The following SIPA1L2 variants were observed in gnomAD, a reference collection of about 807,000 sequenced individuals.
SIPA1L2 encodes the protein signal induced proliferation associated 1 like 2, also known as signal-induced proliferation-associated 1-like protein 2.
In SIPA1L2, 56 loss-of-function variants were observed where a neutral mutation model predicts 163.9. That is an observed-to-expected ratio of 0.34 (90% CI 0.28 to 0.43). The LOEUF (loss-of-function observed/expected upper bound fraction) is 0.43, where lower values mean the gene tolerates loss of function less well. Ranked by LOEUF, SIPA1L2 falls within the 20% of genes least tolerant of loss-of-function variation. SIPA1L2 has a pLI of 1.00. For missense variants in SIPA1L2, 1,974 were observed against 2,193.5 expected (o/e 0.90, Z 2.00); for synonymous variants, 877 against 865.7 (o/e 1.01, Z -0.23).
At chr1:232,589,897 A>G (rs1367280808) in intron 1 of SIPA1L2, among the ~76,000 whole-genome samples, 3 of 152,250 alleles carry the variant, frequency 2.0e-5, no homozygotes, top group Non-Finnish European at 4.4e-5. Flanking sequence ...GCGTTTCAGG[A>G]AAGGAAACAC....
At chr1:232,592,809 G>GAA (rs541158763) in intron 1 of SIPA1L2, among the ~76,000 whole-genome samples, 148 of 145,812 alleles carry the variant, frequency 1.0e-3, no homozygotes, top group Middle Eastern at 3.6e-3. Flanking sequence ...ATGTTCACAG[G>GAA]AAAAAAAAAA....
At chr1:232,464,722 C>T in intron 9 of SIPA1L2, 118 bp downstream of exon 9, 1 of 837,406 alleles carries the variant, frequency 1.2e-6, no homozygotes. Flanking sequence ...GTATCTGTAA[C>T]AAATAGTAAT....
At chr1:232,477,226 T>A (rs1232071135) in intron 7 of SIPA1L2, among the ~76,000 whole-genome samples, 3 of 152,222 alleles carry the variant, frequency 2.0e-5, no homozygotes, top group African/African-American at 7.2e-5. Context: ...ATTCAGAGTC[T>A]TAGTTTTTCA....
intron 5 of SIPA1L2, 149 bp downstream of exon 5, chr1:232,490,725 T>C: frequency 1.2e-6 from 1 of 827,056 alleles, no homozygotes. Flanking sequence ...CAAACTAGTA[T>C]AAAAACATAT....
chr1:232,460,254 C>A (rs945973079), intron 10 of SIPA1L2, among the ~76,000 whole-genome samples: 11 of 152,152 alleles, frequency 7.2e-5, no homozygotes, highest in African/African-American at 2.7e-4. Flanking sequence ...TGCTTTCTAA[C>A]CCCGTTCTTA....
intron 9 of SIPA1L2, 40 bp from the exon 10 acceptor site, chr1:232,461,201 C>CT: frequency 6.3e-7 from 1 of 1,594,988 alleles, no homozygotes; most frequent in South Asian, 1.1e-5. Flanking sequence ...CCTTCCTGCC[C>CT]AAGCTGCCAT....
At position 232,425,804 on chromosome 1, in the gene SIPA1L2, G is replaced by C. The variant is rs150962063; in HGVS notation, c.4415C>G (p.Ser1472Trp). 3.7e-6 allele frequency: 6 copies of C among 1,613,260 alleles called. No homozygotes were observed. The East Asian group carries it at 1.1e-4, about 30-fold the overall frequency. The stretch of plus-strand genomic sequence containing the variant: ...CCTTGGAGACAGGTTCCCATAGAAC[G>C]AAAACTAGGGTTTAAACAAGGTGCG... ...PLVEEGRRKFSFYGNLSPRRS... is the reference protein window; with the variant it reads ...PLVEEGRRKFWFYGNLSPRRS... The change falls in exon 18 of 23, where the codon TCG becomes TGG. Residue 1472 changes from serine to tryptophan, a missense_variant. Around this residue, in one of 3 missense-constraint regions of SIPA1L2, gnomAD observed 1,079 missense variants for 1,150.7 expected, o/e 0.94. Coordinates refer to ENST00000674635, the MANE Select transcript of SIPA1L2 (RefSeq NM_020808.5).
intron 3 of SIPA1L2, among the ~76,000 whole-genome samples, chr1:232,505,771 G>A (rs1467729811): frequency 2.6e-5 from 4 of 152,170 alleles, no homozygotes; most frequent in African/African-American, 9.7e-5. Flanking sequence ...CTCCGTTTGG[G>A]GAGGCAATAC....
intron 3 of SIPA1L2, among the ~76,000 whole-genome samples, chr1:232,504,034 C>A (rs1453283536): frequency 6.6e-6 from 1 of 151,746 alleles, no homozygotes; most frequent in Non-Finnish European, 1.5e-5. Context: ...CTACAATAAA[C>A]CTAAAAAATA....
chr1:232,579,447 G>A (rs1364593101), intron 1 of SIPA1L2, among the ~76,000 whole-genome samples: 2 of 152,200 alleles, frequency 1.3e-5, no homozygotes, highest in African/African-American at 4.8e-5. Flanking sequence ...CTAAGCACAT[G>A]CTCTGTACTT....
chr1:232,579,863 C>A (rs1660281946), intron 1 of SIPA1L2, among the ~76,000 whole-genome samples: 1 of 152,108 alleles, frequency 6.6e-6, no homozygotes, highest in African/African-American at 2.4e-5. Flanking sequence ...GAAGCTTTTT[C>A]TGAGGTTACA....
chr1:232,544,495 G>A (rs1657901535), intron 2 of SIPA1L2, among the ~76,000 whole-genome samples: 1 of 151,956 alleles, frequency 6.6e-6, no homozygotes, highest in Admixed American at 6.6e-5. Context: ...GGAAGGCACA[G>A]CTTGCAGTGA....
intron 19 of SIPA1L2, among the ~76,000 whole-genome samples, chr1:232,407,568 C>T (rs1660714862): frequency 6.6e-6 from 1 of 152,146 alleles, no homozygotes; most frequent in Admixed American, 6.5e-5. Flanking sequence ...CACAGTGGTG[C>T]CTGGAATGTG....
intron 1 of SIPA1L2, among the ~76,000 whole-genome samples, chr1:232,597,735 A>G (rs965722795): frequency 6.8e-6 from 1 of 147,660 alleles, no homozygotes; most frequent in Admixed American, 6.8e-5. Context: ...TTTGATCTGG[A>G]CTCAGAAGAA....
chr1:232,584,399 A>G (rs575383458), intron 1 of SIPA1L2, among the ~76,000 whole-genome samples: 1 of 152,288 alleles, frequency 6.6e-6, no homozygotes, highest in Admixed American at 6.5e-5. Flanking sequence ...GAATTTTTGC[A>G]TTTTTAGTAG....
chr1:232,598,588 C>T (rs933315544), intron 1 of SIPA1L2, among the ~76,000 whole-genome samples: 14 of 152,168 alleles, frequency 9.2e-5, no homozygotes, highest in African/African-American at 3.4e-4. Flanking sequence ...TTATTTCTCA[C>T]AGTTCTGGAG....
At chr1:232,407,083 A>C (rs1378425489) in intron 19 of SIPA1L2, among the ~76,000 whole-genome samples, 1 of 152,240 alleles carries the variant, frequency 6.6e-6, no homozygotes, top group East Asian at 1.9e-4. Context: ...ATGCATGTAA[A>C]AAGATAATGG....
chr1:232,620,765 A>G (rs545211872), intron 1 of SIPA1L2, among the ~76,000 whole-genome samples: 32 of 152,364 alleles, frequency 2.1e-4, no homozygotes, highest in Non-Finnish European at 3.8e-4. Flanking sequence ...CAGGGAAACA[A>G]TATTTTGGAA....
At chr1:232,512,750 A>G (rs941207803) in intron 3 of SIPA1L2, among the ~76,000 whole-genome samples, 19 of 152,228 alleles carry the variant, frequency 1.2e-4, no homozygotes, top group Non-Finnish European at 1.9e-4. Context: ...TAGCACAAGT[A>G]TAACTATGTA....
Sources: gnomAD v4.1 joint callset for allele counts (sites outside exome capture counted in the v4.1 genomes callset) on GRCh38, gnomAD v4.1.1 for gene constraint, gnomAD v4.1.1 regional missense constraint, MANE v1.5 for transcripts, NCBI Gene and HGNC (gene_info 2026-07-23, HGNC 2026-07-21) for gene names.